NPAS3: variants seen among roughly 807,000 people sequenced by gnomAD.
NPAS3 encodes the protein neuronal PAS domain protein 3.
Under a neutral mutation model 73.1 loss-of-function variants are expected in NPAS3, and 14 were observed. That is an observed-to-expected ratio of 0.19 (90% CI 0.13 to 0.30). The LOEUF is 0.30. Among genes scored for constraint, NPAS3 ranks in the 10% least tolerant of loss-of-function variants. The pLI is 1.00. For missense variants in NPAS3, 1,096 were observed against 1,250.0 expected, an observed-to-expected ratio of 0.88 and a Z score of 1.86; for synonymous variants, 620 against 541.5, an observed-to-expected ratio of 1.14 and a Z score of -2.01.
chr14:33,370,294 G>A (rs55988032), intron 4 of NPAS3, among the ~76,000 whole-genome samples: 1,615 of 152,264 alleles, frequency 0.011, 25 homozygotes, highest in African/African-American at 0.036. Flanking sequence ...AAGCACCAAA[G>A]AAGACTTTTC....
chr14:33,693,392 G>C (rs2060287144), intron 6 of NPAS3, among the ~76,000 whole-genome samples: 1 of 152,176 alleles, frequency 6.6e-6, no homozygotes, highest in Non-Finnish European at 1.5e-5. Flanking sequence ...TGAGTTTGTG[G>C]TTCAGTGTTG....
chr14:33,264,584 T>C (rs1018520082), intron 3 of NPAS3, among the ~76,000 whole-genome samples: 1 of 152,032 alleles, frequency 6.6e-6, no homozygotes, highest in Non-Finnish European at 1.5e-5. Context: ...TTAGGAGAGG[T>C]AGATATAATG....
intron 9 of NPAS3, among the ~76,000 whole-genome samples, chr14:33,789,103 G>A (rs960611743): frequency 2.0e-5 from 3 of 152,024 alleles, no homozygotes; most frequent in South Asian, 2.1e-4. Flanking sequence ...TTAGAGGTAC[G>A]TGGTATTAAT....
intron 5 of NPAS3, among the ~76,000 whole-genome samples, chr14:33,603,453 T>G (rs1049163502): frequency 1.3e-5 from 2 of 152,074 alleles, no homozygotes; most frequent in Non-Finnish European, 2.9e-5. Flanking sequence ...CCAAATTGGA[T>G]TAGAACTACA....
chr14:33,384,433 AC>A (rs1278271941), intron 4 of NPAS3, among the ~76,000 whole-genome samples: 1 of 151,588 alleles, frequency 6.6e-6, no homozygotes, highest in African/African-American at 2.4e-5. Context: ...AAAAAAAAAA[AC>A]AAATACCATT....
intron 1 of NPAS3, among the ~76,000 whole-genome samples, chr14:32,943,170 G>T (rs533095781): frequency 6.6e-5 from 10 of 151,714 alleles, no homozygotes; most frequent in Admixed American, 5.3e-4. Flanking sequence ...AACATTATTC[G>T]ATACTTTTTT....
At chr14:33,794,095 TA>T in intron 10 of NPAS3, 51 bp downstream of exon 10, 14 of 1,515,700 alleles carry the variant, frequency 9.2e-6, no homozygotes, top group Non-Finnish European at 1.3e-5. Flanking sequence ...AAATATGCCA[TA>T]TAAAATATGG....
intron 4 of NPAS3, among the ~76,000 whole-genome samples, chr14:33,465,129 A>G (rs186885582): frequency 6.6e-6 from 1 of 152,252 alleles, no homozygotes; most frequent in East Asian, 1.9e-4. Context: ...TATTTGTAGT[A>G]TCCATTTACA....
intron 7 of NPAS3, among the ~76,000 whole-genome samples, chr14:33,767,201 A>G (rs1041016595): frequency 6.6e-5 from 10 of 152,230 alleles, no homozygotes; most frequent in African/African-American, 2.4e-4. Flanking sequence ...CTGCTAGGGC[A>G]GATTCTCCAG....
intron 1 of NPAS3, among the ~76,000 whole-genome samples, chr14:33,024,174 G>GTGTGTGTA (rs1180335752): frequency 3.2e-4 from 48 of 149,852 alleles, no homozygotes; most frequent in Middle Eastern, 3.5e-3. Flanking sequence ...GTGTGTGTAT[G>GTGTGTGTA]TATATTCCCC....
At chr14:33,407,794 A>G (rs74460094) in intron 4 of NPAS3, among the ~76,000 whole-genome samples, 2,471 of 152,176 alleles carry the variant, frequency 0.016, 27 homozygotes, top group Admixed American at 0.031. Flanking sequence ...TTCTCTGCCT[A>G]TCTAACACAG....
At chr14:33,102,242 T>G (rs1227833437) in intron 2 of NPAS3, among the ~76,000 whole-genome samples, 1 of 152,092 alleles carries the variant, frequency 6.6e-6, no homozygotes, top group African/African-American at 2.4e-5. Context: ...TAGCTAGGGA[T>G]AGAACAGAGT....
intron 5 of NPAS3, among the ~76,000 whole-genome samples, chr14:33,638,876 G>A (rs997314096): frequency 1.3e-5 from 2 of 152,248 alleles, no homozygotes; most frequent in East Asian, 3.9e-4. Context: ...CCTAAATCTC[G>A]AGCAGGGAAT....
chr14:33,172,924 A>T (rs1202451417), intron 2 of NPAS3, among the ~76,000 whole-genome samples: 2 of 152,194 alleles, frequency 1.3e-5, no homozygotes, highest in African/African-American at 4.8e-5. Flanking sequence ...GGAGGTTATT[A>T]TTAATCATGT....
chr14:33,030,693 C>T (rs2039959172), intron 1 of NPAS3, among the ~76,000 whole-genome samples: 1 of 152,122 alleles, frequency 6.6e-6, no homozygotes, highest in African/African-American at 2.4e-5. Flanking sequence ...TGTAGAAAGG[C>T]AGCCTTTTAG....
At chr14:33,742,170 A>T (rs1261990313) in intron 7 of NPAS3, among the ~76,000 whole-genome samples, 1 of 152,110 alleles carries the variant, frequency 6.6e-6, no homozygotes, top group African/African-American at 2.4e-5. Context: ...AGCACAGGTC[A>T]TTTTTCTTCA....
chr14:33,249,725 C>G (rs1253317556), intron 3 of NPAS3, among the ~76,000 whole-genome samples: 5 of 152,112 alleles, frequency 3.3e-5, no homozygotes, highest in Non-Finnish European at 5.9e-5. Context: ...CAATTGCCAT[C>G]TGGATGAATT....
intron 6 of NPAS3, among the ~76,000 whole-genome samples, chr14:33,690,682 CA>C (rs757303202): frequency 1.6e-4 from 25 of 151,960 alleles, no homozygotes; most frequent in Non-Finnish European, 3.4e-4. Flanking sequence ...AGAGTCATTT[CA>C]ATTAAAAAGC....
intron 4 of NPAS3, among the ~76,000 whole-genome samples, chr14:33,433,782 C>T (rs1307906618): frequency 6.6e-6 from 1 of 152,168 alleles, no homozygotes; most frequent in Non-Finnish European, 1.5e-5. Context: ...CTGAAAACAG[C>T]CTTTTCTGTA....
Sources: gnomAD v4.1 joint callset for allele counts (sites outside exome capture counted in the v4.1 genomes callset) on GRCh38, gnomAD v4.1.1 for gene constraint, MANE v1.5 for transcripts, NCBI Gene and HGNC (gene_info 2026-07-23, HGNC 2026-07-21) for gene names.